OR52M1: variants seen among roughly 807,000 people sequenced by gnomAD.
OR52M1 encodes olfactory receptor 52M1.
OR52M1 carries 2 observed loss-of-function variants against 1.3 expected under a neutral mutation model. The ratio of observed to expected loss-of-function variants is 1.59; its 90% CI spans 0.65 to 5.01. The LOEUF (loss-of-function observed/expected upper bound fraction) is 5.01. Among genes scored for constraint, OR52M1 ranks in the 30% most tolerant of loss-of-function variants. The probability of loss-of-function intolerance (pLI) is 0.06; values close to 1 mark genes in which losing one functional copy is unlikely to be tolerated. For missense variants in OR52M1, 585 were observed against 403.7 expected (o/e 1.45, Z -3.85); for synonymous variants, 234 against 151.4 (o/e 1.55, Z -4.01).
Position 4,545,944 on chromosome 11 carries a change from C to T in OR52M1, c.754C>T (p.Leu252=), listed in dbSNP as rs372025195. The change falls in exon 1 of 1, where the codon CTG becomes TTG. Residue 252 remains leucine, a synonymous_variant. Transcript: ENST00000360213. ...ATGCGCTTCTCACCTCTGTGCCATC[C>T]TGATCTTTTATGTTCCCATTGCTGT... ...GTCASHLCAI[L]IFYVPIAVSS... is the part of the protein sequence containing the mutation. 42 of 1,613,962 alleles carry T rather than the reference C, an allele frequency of 2.6e-5. No individual in the cohort carries two copies. Among genetic ancestry groups the T allele is most frequent in the Non-Finnish European group, 3.5e-5 (41 of 1,180,002 alleles).
rs146553669 is a variant in OR52M1, at chr11:4,545,582, C to T, written c.392C>T (p.Pro131Leu). The change falls in exon 1 of 1, where the codon CCA becomes CTA. Residue 131 changes from proline (P) to leucine (L), a missense_variant. By Grantham distance (98) the Pro-to-Leu change is moderately conservative. Transcript: ENST00000360213. ...AFDRYVAICN[P>L]LRHSMVLTYT... ...GATCGCTACGTGGCCATCTGCAACC[C>T]ACTACGTCATAGCATGGTGCTCACT... 32 of 1,612,542 alleles carry T rather than the reference C, an allele frequency of 2.0e-5. No homozygotes were observed. In the South Asian group the frequency reaches 3.0e-4, roughly 15 times the overall value.
rs1564845868 is a variant in OR52M1 at position 4,545,402 on chromosome 11, T to G, written c.212T>G (p.Ile71Ser). Residue 71 changes from isoleucine to serine, a missense_variant, in exon 1 of 1, where the codon ATT becomes AGT. Coordinates refer to ENST00000360213, the MANE Select transcript of OR52M1 (RefSeq NM_001004137.1). ...TTTTTCTTGTGCATGTTGGCTGCCA[T>G]TGACCTGGTTCTGTCTACTTCCACT... ...MYFFLCMLAA[I>S]DLVLSTSTIP... The G allele has an allele frequency of 6.2e-7, 1 of 1,614,202 alleles. No homozygotes were observed.
Position 4,545,982 on chromosome 11 carries a change from T to G in OR52M1, c.792T>G (p.Ile264Met). 6.2e-7 allele frequency: 1 copy of G among 1,614,138 alleles called. No individual in the cohort carries two copies. The highest frequency in any genetic ancestry group is 8.5e-7 in the Non-Finnish European group (1 of 1,180,024). ...FYVPIAVSSLIHRFGQCVPPP... is the reference protein window; with the variant it reads ...FYVPIAVSSLMHRFGQCVPPP... ...TTCCCATTGCTGTTTCTTCCCTGAT[T>G]CACCGATTTGGTCAGTGTGTGCCTC... The change falls in exon 1 of 1, where the codon ATT (isoleucine) becomes ATG (methionine). Residue 264 changes from isoleucine (I) to methionine (M), a missense_variant. Physicochemically the swap from Ile to Met is conservative, Grantham distance 10. Coordinates refer to ENST00000360213, the MANE Select transcript of OR52M1 (RefSeq NM_001004137.1).
At position 4,545,726 on chromosome 11, in the gene OR52M1, A is replaced by C; in HGVS notation, c.536A>C (p.His179Pro). 1.9e-6 allele frequency: 3 copies of C among 1,612,922 alleles called. No individual in the cohort carries two copies. The highest frequency in any genetic ancestry group is 2.5e-6 in the Non-Finnish European group (3 of 1,179,672). ...LPLYKTHVIS[H>P]SYCEHMAVVA... Reference sequence around the variant, plus strand: ...CTTTATAAAACCCATGTTATCTCCCACTCCTACTGTGAGCACATGGCTGTA... The same window carrying C: ...CTTTATAAAACCCATGTTATCTCCCCCTCCTACTGTGAGCACATGGCTGTA... Residue 179 changes from histidine to proline, a missense_variant, in exon 1 of 1, where the codon CAC (histidine) becomes CCC (proline). Physicochemically the swap from His to Pro is moderately conservative, Grantham distance 77 (BLOSUM62 -2). Transcript: ENST00000360213.
chr11:4,546,020 C>T lies in OR52M1; in HGVS notation c.830C>T (p.Thr277Ile). The change falls in exon 1 of 1, where the codon ACT becomes ATT. Residue 277 changes from threonine to isoleucine, a missense_variant. Thr to Ile is a moderately conservative substitution (Grantham distance 89). Transcript: ENST00000360213. Reference sequence around the variant, plus strand: ...CAGTGTGTGCCTCCTCCAGTCCACACTCTGCTGGCCAACTTCTATCTCCTC... The same window carrying T: ...CAGTGTGTGCCTCCTCCAGTCCACATTCTGCTGGCCAACTTCTATCTCCTC... ...FGQCVPPPVH[T>I]LLANFYLLIP... The T allele has an allele frequency of 6.2e-7, 1 of 1,614,092 alleles. No homozygotes were observed. Among genetic ancestry groups the T allele is most frequent in the South Asian group, 1.1e-5 (1 of 91,084 alleles).
rs756776551 is a variant in OR52M1, at chr11:4,545,424, C to T, written c.234C>T (p.Ser78=). ...LAAIDLVLST[S]TIPKLLGIFW... is the part of the protein sequence containing the mutation. ...CCATTGACCTGGTTCTGTCTACTTC[C>T]ACTATACCCAAACTTCTGGGAATCT... Residue 78 remains serine (S), a synonymous_variant, in exon 1 of 1, where the codon TCC becomes TCT. Coordinates refer to ENST00000360213, the MANE Select transcript of OR52M1 (RefSeq NM_001004137.1). The T allele has an allele frequency of 1.2e-6, 2 of 1,614,170 alleles. No individual in the cohort carries two copies. The highest frequency in any genetic ancestry group is 1.1e-5 in the South Asian group (1 of 91,076).
At position 4,545,354 on chromosome 11, in the gene OR52M1, GCAGCCTGCAC is replaced by G. The variant is rs777708628; in HGVS notation, c.170_179del (p.Leu57ProfsTer104). 2 of 1,613,968 alleles carry G rather than the reference GCAGCCTGCAC, an allele frequency of 1.2e-6. No individual in the cohort carries two copies. Among genetic ancestry groups the G allele is most frequent in the Non-Finnish European group, 1.7e-6 (2 of 1,179,984 alleles). On this transcript the variant is annotated frameshift_variant, in exon 1 of 1. Coordinates refer to ENST00000360213, the MANE Select transcript of OR52M1 (RefSeq NM_001004137.1). LOFTEE classifies it high-confidence loss of function. ...ATCCTGGCTGTGGTAAAGATAGAAC[GCAGCCTGCAC>G]CAGCCCATGTACTTTTTCTTGTGCA...
At position 4,545,534 on chromosome 11, in the gene OR52M1, G is replaced by A. The variant is rs772815367; in HGVS notation, c.344G>A (p.Gly115Asp). 11 of 1,612,814 alleles carry A rather than the reference G, an allele frequency of 6.8e-6. No individual in the cohort carries two copies. Among genetic ancestry groups the A allele is most frequent in the Middle Eastern group, 1.6e-4 (1 of 6,074 alleles). The change falls in exon 1 of 1, where the codon GGC becomes GAC. Residue 115 changes from glycine to aspartate, a missense_variant. Transcript: ENST00000360213. ...LIHCFATVES[G>D]IFLAMAFDRY... ...CACTGCTTTGCCACTGTTGAGTCAGGCATCTTCCTTGCCATGGCTTTTGAT... is the reference window on the plus strand; with the variant it reads ...CACTGCTTTGCCACTGTTGAGTCAGACATCTTCCTTGCCATGGCTTTTGAT...
At position 4,545,772 on chromosome 11, in the gene OR52M1, C is replaced by T. The variant is rs568160789; in HGVS notation, c.582C>T (p.Asp194=). 3 of 1,614,038 alleles carry T rather than the reference C, an allele frequency of 1.9e-6. No homozygotes were observed. Among genetic ancestry groups the T allele is most frequent in the Non-Finnish European group, 2.5e-6 (3 of 1,180,026 alleles). ...CTGTAGTTGCCTTGACATGTGGCGA[C>T]AGCAGGGTCAATAATGTCTATGGGC... ...HMAVVALTCG[D]SRVNNVYGLS... The change falls in exon 1 of 1, where the codon GAC becomes GAT. Residue 194 remains aspartate (D), a synonymous_variant. Coordinates refer to ENST00000360213, the MANE Select transcript of OR52M1 (RefSeq NM_001004137.1).
chr11:4,545,479 G>A lies in OR52M1; in HGVS notation c.289G>A (p.Asp97Asn), dbSNP rs955709161. ...GTTCGGTGCTTGTGACATTGGCCTGGACGCCTGCTTGGGCCAAATGTTCCT... is the reference window on the plus strand; with the variant it reads ...GTTCGGTGCTTGTGACATTGGCCTGAACGCCTGCTTGGGCCAAATGTTCCT... Reference protein sequence around the residue: ...FWFGACDIGLDACLGQMFLIH... With the variant: ...FWFGACDIGLNACLGQMFLIH... The change falls in exon 1 of 1, where the codon GAC becomes AAC. Residue 97 changes from aspartate (D) to asparagine (N), a missense_variant. Physicochemically the swap from Asp to Asn is conservative, Grantham distance 23 (BLOSUM62 1). Transcript: ENST00000360213. 7.4e-6 allele frequency: 12 copies of A among 1,614,036 alleles called. No individual in the cohort carries two copies. The African/African-American group carries it at 1.3e-4, about 18-fold the overall frequency.
chr11:4,545,305 G>A lies in OR52M1; in HGVS notation c.115G>A (p.Val39Met), dbSNP rs759417334. 5 of 1,614,000 alleles carry A rather than the reference G, an allele frequency of 3.1e-6. No homozygotes were observed. The East Asian group carries it at 8.9e-5, about 29-fold the overall frequency. The change falls in exon 1 of 1, where the codon GTG (valine) becomes ATG (methionine). Residue 39 changes from valine (V) to methionine (M), a missense_variant. By Grantham distance (21) the Val-to-Met change is conservative (BLOSUM62 1). Transcript: ENST00000360213. ...LSIPFGSMYL[V>M]AVVGNVTILA... ...CATCCCCTTTGGCTCCATGTACCTGGTGGCTGTGGTGGGGAATGTGACCAT... is the reference window on the plus strand; with the variant it reads ...CATCCCCTTTGGCTCCATGTACCTGATGGCTGTGGTGGGGAATGTGACCAT...
In OR52M1 at chr11:4,545,291, G is replaced by T. The variant is rs761878932; in HGVS notation, c.101G>T (p.Gly34Val). The change falls in exon 1 of 1, where the codon GGC becomes GTC. Residue 34 changes from glycine (G) to valine (V), a missense_variant. Transcript: ENST00000360213. ...CACGTCTGGCTCTCCATCCCCTTTG[G>T]CTCCATGTACCTGGTGGCTGTGGTG... The part of the protein sequence containing the change: ...SLHVWLSIPF[G>V]SMYLVAVVGN... The T allele has an allele frequency of 5.4e-5, 87 of 1,613,960 alleles. 1 individual carries two copies. In the South Asian group the frequency reaches 9.2e-4, roughly 17 times the overall value.
At position 4,545,919 on chromosome 11, in the gene OR52M1, A is replaced by G; in HGVS notation, c.729A>G (p.Thr243=). 1 of 1,613,994 alleles carries G rather than the reference A, an allele frequency of 6.2e-7. No individual in the cohort carries two copies. The highest frequency in any genetic ancestry group is 8.5e-7 in the Non-Finnish European group (1 of 1,179,968). ...TPEARLKTLG[T]CASHLCAILI... ...AGGCTAGGCTTAAAACCCTGGGGAC[A>G]TGCGCTTCTCACCTCTGTGCCATCC... The change falls in exon 1 of 1, where the codon ACA becomes ACG. Residue 243 remains threonine (T), a synonymous_variant. Transcript: ENST00000360213.
At position 4,545,879 on chromosome 11, in the gene OR52M1, G is replaced by C. The variant is rs757871850; in HGVS notation, c.689G>C (p.Gly230Ala). ...SYVMIFRAVM[G>A]LATPEARLKT... ...GTGATGATTTTCAGGGCCGTGATGG[G>C]GTTAGCCACTCCTGAGGCTAGGCTT... Residue 230 changes from glycine (G) to alanine (A), a missense_variant, in exon 1 of 1, where the codon GGG (glycine) becomes GCG (alanine). Physicochemically the swap from Gly to Ala is moderately conservative, Grantham distance 60. Transcript: ENST00000360213. The C allele has an allele frequency of 1.2e-5, 19 of 1,613,966 alleles. No individual in the cohort carries two copies. The highest frequency in any genetic ancestry group is 1.7e-6 in the Non-Finnish European group (2 of 1,180,022).
Position 4,545,279 on chromosome 11 carries a change from C to A in OR52M1, c.89C>A (p.Ser30Tyr). ...CTGGAGTCCCTACACGTCTGGCTCT[C>A]CATCCCCTTTGGCTCCATGTACCTG... Reference protein sequence around the residue: ...PGLESLHVWLSIPFGSMYLVA... With the variant: ...PGLESLHVWLYIPFGSMYLVA... Residue 30 changes from serine (S) to tyrosine (Y), a missense_variant, in exon 1 of 1, where the codon TCC becomes TAC. By Grantham distance (144) the Ser-to-Tyr change is moderately radical (BLOSUM62 -2). Transcript: ENST00000360213. The A allele has an allele frequency of 6.2e-7, 1 of 1,614,150 alleles. No individual in the cohort carries two copies. Among genetic ancestry groups the A allele is most frequent in the South Asian group, 1.1e-5 (1 of 91,084 alleles).
rs1846944867 is a variant in OR52M1 at position 4,545,647 on chromosome 11, CG to C, written c.461del (p.Gly154ValfsTer10). ...TCGTTTGGGGCTTGTTTCTCTCCTC[CG>C]GGGTGTTCTCTACATTGGACCTCTG... Reference protein sequence around the residue: ...VGRLGLVSLLRGVLYIGPLPL... With the variant: ...VGRLGLVSLLXGVLYIGPLPL... On this transcript the variant is annotated frameshift_variant, in exon 1 of 1. Transcript: ENST00000360213. LOFTEE classifies it low-confidence loss of function (END_TRUNC). The C allele has an allele frequency of 6.2e-7, 1 of 1,613,464 alleles. No individual in the cohort carries two copies. The highest frequency in any genetic ancestry group is 8.5e-7 in the Non-Finnish European group (1 of 1,179,718).
rs1411424486 is a variant in OR52M1 at position 4,546,107 on chromosome 11, T to G, written c.917T>G (p.Leu306Arg). ...CGCACCAAGCAGATCCGAGAGAGCC[T>G]TCTCCAAATACCAAGGATAGAAATG... The part of the protein sequence containing the change: ...AVRTKQIRES[L>R]LQIPRIEMKI... Residue 306 changes from leucine (L) to arginine (R), a missense_variant, in exon 1 of 1, where the codon CTT (leucine) becomes CGT (arginine). Transcript: ENST00000360213. The G allele has an allele frequency of 6.2e-7, 1 of 1,608,132 alleles. No individual in the cohort carries two copies. Among genetic ancestry groups the G allele is most frequent in the Non-Finnish European group, 8.5e-7 (1 of 1,176,786 alleles).
In OR52M1 at chr11:4,545,514, C is replaced by T. The variant is rs1195038628; in HGVS notation, c.324C>T (p.Cys108=). Reference sequence around the variant, plus strand: ...TGGGCCAAATGTTCCTTATCCACTGCTTTGCCACTGTTGAGTCAGGCATCT... The same window carrying T: ...TGGGCCAAATGTTCCTTATCCACTGTTTTGCCACTGTTGAGTCAGGCATCT... ...ACLGQMFLIH[C]FATVESGIFL... Residue 108 remains cysteine (C), a synonymous_variant, in exon 1 of 1, where the codon TGC becomes TGT. Transcript: ENST00000360213. 1 of 1,613,608 alleles carries T rather than the reference C, an allele frequency of 6.2e-7. No homozygotes were observed. Among genetic ancestry groups the T allele is most frequent in the Non-Finnish European group, 8.5e-7 (1 of 1,179,706 alleles).
Position 4,545,966 on chromosome 11 carries a change from C to T in OR52M1, c.776C>T (p.Ala259Val), listed in dbSNP as rs1285703511. Residue 259 changes from alanine to valine, a missense_variant, in exon 1 of 1, where the codon GCT becomes GTT. Physicochemically the swap from Ala to Val is moderately conservative, Grantham distance 64. Transcript: ENST00000360213. ...ATCCTGATCTTTTATGTTCCCATTG[C>T]TGTTTCTTCCCTGATTCACCGATTT... ...CAILIFYVPIAVSSLIHRFGQ... is the reference protein window; with the variant it reads ...CAILIFYVPIVVSSLIHRFGQ... 3 of 1,613,974 alleles carry T rather than the reference C, an allele frequency of 1.9e-6. No homozygotes were observed. In the East Asian group the frequency reaches 6.7e-5, roughly 36 times the overall value.
Sources: allele counts gnomAD v4.1 joint callset, GRCh38; gene constraint gnomAD v4.1.1; transcripts MANE v1.5; gene names NCBI Gene and HGNC (gene_info 2026-07-23, HGNC 2026-07-21).